The following CNKSR3 variants were observed in gnomAD, a reference collection of about 807,000 sequenced individuals.
CNKSR3 encodes the protein CNKSR family member 3, also known as connector enhancer of kinase suppressor of ras 3.
CNKSR3 carries 36 observed loss-of-function variants against 67.7 expected under a neutral mutation model. The ratio of observed to expected loss-of-function variants is 0.53; its 90% CI spans 0.41 to 0.70. The LOEUF (loss-of-function observed/expected upper bound fraction) is 0.70. Ranked by LOEUF, CNKSR3 falls within the 30% of genes least tolerant of loss-of-function variation. The probability of loss-of-function intolerance (pLI) is 0.00; values close to 1 mark genes in which losing one functional copy is unlikely to be tolerated. For synonymous variants in CNKSR3, 281 were observed against 271.4 expected (o/e 1.04, Z -0.35); for missense variants, 630 against 695.2 (o/e 0.91, Z 1.05).
At chr6:154,448,461 T>C (rs1582869210) in intron 2 of CNKSR3, among the ~76,000 whole-genome samples, 1 of 143,106 alleles carries the variant, frequency 7.0e-6, no homozygotes, top group Non-Finnish European at 1.5e-5. Flanking sequence ...GAAAATACAG[T>C]TTCGGTAATA....
Position 154,402,070 on chromosome 6 carries a change from T to G in CNKSR3, c.*4284A>C, listed in dbSNP as rs1294696030. Reference sequence around the variant, plus strand: ...CAGAGATAGGAAATGGACAAATATATAGACTGAAATACTACTTAAGGAGGA... The same window carrying G: ...CAGAGATAGGAAATGGACAAATATAGAGACTGAAATACTACTTAAGGAGGA... On this transcript the variant is annotated 3_prime_UTR_variant, in exon 13 of 13. Coordinates refer to ENST00000607772, the MANE Select transcript of CNKSR3 (RefSeq NM_173515.4). 1 of 152,090 alleles carries G rather than the reference T, an allele frequency of 6.6e-6. No homozygotes were observed. The highest frequency in any genetic ancestry group is 2.4e-5 in the African/African-American group (1 of 41,412). The allele number at this position is 152,090 out of a possible 1,614,324, so 9.4% of individuals were successfully genotyped here.
At chr6:154,500,273 A>G (rs1344017386) in intron 1 of CNKSR3, among the ~76,000 whole-genome samples, 2 of 151,988 alleles carry the variant, frequency 1.3e-5, no homozygotes, top group African/African-American at 4.8e-5. Flanking sequence ...ACACACACAC[A>G]CACACACACA....
chr6:154,465,570 C>G (rs1279872166), intron 1 of CNKSR3, among the ~76,000 whole-genome samples: 1 of 152,166 alleles, frequency 6.6e-6, no homozygotes, highest in African/African-American at 2.4e-5. Context: ...TGGCTCACAC[C>G]AGGGGACTCA....
intron 1 of CNKSR3, among the ~76,000 whole-genome samples, chr6:154,473,582 C>G (rs1228532897): frequency 4.6e-5 from 7 of 152,064 alleles, no homozygotes; most frequent in Admixed American, 4.6e-4. Flanking sequence ...GTACAGTGAG[C>G]GCATGCATTT....
At chr6:154,414,950 T>C (rs952143350) in intron 9 of CNKSR3, among the ~76,000 whole-genome samples, 2 of 151,152 alleles carry the variant, frequency 1.3e-5, no homozygotes, top group African/African-American at 4.9e-5. Context: ...ATATAAAAAT[T>C]AGCCAGGCGT....
intron 1 of CNKSR3, among the ~76,000 whole-genome samples, chr6:154,456,212 A>G (rs1330010132): frequency 6.6e-6 from 1 of 152,188 alleles, no homozygotes; most frequent in Non-Finnish European, 1.5e-5. Flanking sequence ...TTCTTCAAAT[A>G]CAGGAGCCCA....
intron 1 of CNKSR3, among the ~76,000 whole-genome samples, chr6:154,481,051 A>G (rs1001286595): frequency 2.1e-5 from 3 of 146,264 alleles, no homozygotes; most frequent in Admixed American, 1.4e-4. Context: ...TGCTTATTTG[A>G]TATTTATTTT....
chr6:154,423,006 G>A (rs1202386436), intron 7 of CNKSR3, 23 bp from the exon 8 acceptor site: 3 of 1,518,614 alleles, frequency 2.0e-6, no homozygotes, highest in Non-Finnish European at 2.7e-6. Context: ...AAAATAACCT[G>A]CCTTAATTCT....
chr6:154,446,141 C>T (rs1562336392), intron 2 of CNKSR3, among the ~76,000 whole-genome samples: 1 of 152,072 alleles, frequency 6.6e-6, no homozygotes, highest in African/African-American at 2.4e-5. Flanking sequence ...CTACTAAAAC[C>T]CTTCCACTGA....
chr6:154,419,924 A>T (rs1785104487), intron 9 of CNKSR3, among the ~76,000 whole-genome samples: 1 of 152,084 alleles, frequency 6.6e-6, no homozygotes, highest in Admixed American at 6.6e-5. Context: ...TACTAAAAAT[A>T]CAAAAATTAG....
At position 154,406,409 on chromosome 6, in the gene CNKSR3, G is replaced by A; in HGVS notation, c.1613C>T (p.Thr538Ile). 1 of 1,614,230 alleles carries A rather than the reference G, an allele frequency of 6.2e-7. No homozygotes were observed. Among genetic ancestry groups the A allele is most frequent in the East Asian group, 2.2e-5 (1 of 44,890 alleles). Residue 538 changes from threonine (T) to isoleucine (I), a missense_variant, in exon 13 of 13, where the codon ACA (threonine) becomes ATA (isoleucine). This residue lies in a region of CNKSR3 where 308 missense variants were observed against 299.6 expected (regional missense o/e 1.03). Coordinates refer to ENST00000607772, the MANE Select transcript of CNKSR3 (RefSeq NM_173515.4). ...CCAGCTGACCAGGAGGGACGGTTCT[G>A]TGGACGAGGACTTCGTAGCTGAGGA... Reference protein sequence around the residue: ...SGSSATKSSSTEPSLLVSWFT... With the variant: ...SGSSATKSSSIEPSLLVSWFT...
At chr6:154,487,231 C>T (rs1483263291) in intron 1 of CNKSR3, among the ~76,000 whole-genome samples, 1 of 152,124 alleles carries the variant, frequency 6.6e-6, no homozygotes, top group Non-Finnish European at 1.5e-5. Context: ...TTGAAACTAC[C>T]CCGTTGGAAG....
Position 154,422,283 on chromosome 6 carries a change from G to A in CNKSR3, c.945+223C>T, listed in dbSNP as rs909453926. 5.3e-5 allele frequency among the ~76,000 whole-genome samples: 8 copies of A among 152,254 alleles called. No homozygotes were observed. In the East Asian group the frequency reaches 5.8e-4, roughly 11 times the overall value. ...TGGGATTACAGGCGTGAGCCACCGC[G>A]CCTGGCCTCATTCTTTAAATAGTCA... On this transcript the variant is annotated intron_variant, in intron 9 of 12. Coordinates refer to ENST00000607772, the MANE Select transcript of CNKSR3 (RefSeq NM_173515.4).
intron 1 of CNKSR3, among the ~76,000 whole-genome samples, chr6:154,485,715 T>C (rs1786652899): frequency 6.6e-6 from 1 of 152,188 alleles, no homozygotes; most frequent in Non-Finnish European, 1.5e-5. Context: ...TAAAAGTCCC[T>C]TGAGAAGTTT....
chr6:154,494,372 T>A (rs1267144068), intron 1 of CNKSR3, among the ~76,000 whole-genome samples: 1 of 152,100 alleles, frequency 6.6e-6, no homozygotes, highest in Admixed American at 6.5e-5. Flanking sequence ...GGCCCTCCCA[T>A]GACACGTGGG....
At chr6:154,424,794 C>G (rs1785222778) in intron 7 of CNKSR3, among the ~76,000 whole-genome samples, 1 of 152,122 alleles carries the variant, frequency 6.6e-6, no homozygotes, top group South Asian at 2.1e-4. Flanking sequence ...TTGAGACAGT[C>G]TCACTCACGC....
chr6:154,418,680 AACC>A (rs1349829652), intron 9 of CNKSR3, among the ~76,000 whole-genome samples: 3 of 152,200 alleles, frequency 2.0e-5, no homozygotes, highest in East Asian at 3.8e-4. Flanking sequence ...AAAAAAATCT[AACC>A]AAGTTTAAAT....
At position 154,493,726 on chromosome 6, in the gene CNKSR3, C is replaced by T. The variant is rs553153814; in HGVS notation, c.52+16337G>A. On this transcript the variant is annotated intron_variant, in intron 1 of 12. Coordinates refer to ENST00000607772, the MANE Select transcript of CNKSR3 (RefSeq NM_173515.4). ...GGAAACTGACAATCATGTCGGAAGG[C>T]GAAGGGGAGGCAGGCACACATGGCA... Among the ~76,000 whole-genome samples the T allele has an allele frequency of 4.6e-5, 7 of 151,440 alleles. No individual in the cohort carries two copies. In the East Asian group the frequency reaches 5.9e-4, roughly 13 times the overall value.
At chr6:154,430,715 T>C in intron 5 of CNKSR3, 124 bp from the exon 6 acceptor site, 1 of 888,066 alleles carries the variant, frequency 1.1e-6, no homozygotes, top group Non-Finnish European at 1.7e-6. Context: ...ATTTTGATAA[T>C]TCTGCTCAGT....
Sources: gnomAD v4.1 joint callset for allele counts (sites outside exome capture counted in the v4.1 genomes callset) on GRCh38, gnomAD v4.1.1 for gene constraint, gnomAD v4.1.1 regional missense constraint, MANE v1.5 for transcripts, NCBI Gene and HGNC (gene_info 2026-07-23, HGNC 2026-07-21) for gene names.